Variants in BANK1 observed in about 807,000 individuals in gnomAD.
The protein encoded by BANK1 is B-cell scaffold protein with ankyrin repeats.
Under a neutral mutation model 94.5 loss-of-function variants are expected in BANK1, and 95 were observed. The ratio of observed to expected loss-of-function variants is 1.00; its 90% CI spans 0.85 to 1.19. The LOEUF is 1.19. Ranked by LOEUF, BANK1 falls within the 50% of genes most tolerant of loss-of-function variation. BANK1 has a pLI of 0.00. For missense variants in BANK1, 987 were observed against 932.2 expected (o/e 1.06, Z -0.77); for synonymous variants, 334 against 308.4 (o/e 1.08, Z -0.87).
intron 15 of BANK1, 66 bp downstream of exon 15, chr4:102,072,466 G>T: frequency 2.5e-6 from 3 of 1,222,148 alleles, no homozygotes; most frequent in Non-Finnish European, 3.6e-6. Context: ...AAGAACATGA[G>T]AGCCTTCTAT....
chr4:101,867,999 G>A (rs1466703052), intron 4 of BANK1, among the ~76,000 whole-genome samples: 2 of 151,420 alleles, frequency 1.3e-5, no homozygotes, highest in African/African-American at 2.4e-5. Flanking sequence ...GTCTAAGAAC[G>A]CCAATTAAAA....
intron 7 of BANK1, among the ~76,000 whole-genome samples, chr4:101,936,059 C>T (rs1339420459): frequency 6.6e-6 from 1 of 151,052 alleles, no homozygotes; most frequent in Non-Finnish European, 1.5e-5. Context: ...TGGACCACAC[C>T]AAGTTAAAAG....
intron 1 of BANK1, among the ~76,000 whole-genome samples, chr4:101,796,678 G>T (rs1422815525): frequency 6.6e-6 from 1 of 152,108 alleles, no homozygotes; most frequent in African/African-American, 2.4e-5. Flanking sequence ...ACTGTTAAAA[G>T]GTTTAGAGCT....
intron 12 of BANK1, among the ~76,000 whole-genome samples, chr4:102,060,841 A>C (rs946445129): frequency 6.6e-6 from 1 of 152,178 alleles, no homozygotes; most frequent in Non-Finnish European, 1.5e-5. Context: ...ATACGTACAC[A>C]TACACACATT....
chr4:102,050,568 T>A (rs1339804927), intron 11 of BANK1, among the ~76,000 whole-genome samples: 1 of 152,148 alleles, frequency 6.6e-6, no homozygotes, highest in African/African-American at 2.4e-5. Flanking sequence ...CCTAAGTAAA[T>A]TATATTTTAG....
intron 5 of BANK1, among the ~76,000 whole-genome samples, chr4:101,878,729 A>G (rs973775308): frequency 3.3e-5 from 5 of 152,196 alleles, no homozygotes; most frequent in Non-Finnish European, 7.4e-5. Context: ...AGAGCAGTCA[A>G]AAATTTGAGA....
intron 7 of BANK1, among the ~76,000 whole-genome samples, chr4:101,928,572 C>T (rs1335927716): frequency 2.0e-5 from 3 of 151,614 alleles, no homozygotes; most frequent in Non-Finnish European, 3.0e-5. Context: ...TCAGTACTGC[C>T]GAGTTCACTT....
intron 7 of BANK1, among the ~76,000 whole-genome samples, chr4:101,965,671 T>C (rs1223809321): frequency 6.6e-6 from 1 of 152,090 alleles, no homozygotes; most frequent in Non-Finnish European, 1.5e-5. Flanking sequence ...GTTCCTATTA[T>C]ACCATAGTAT....
intron 5 of BANK1, among the ~76,000 whole-genome samples, chr4:101,878,475 A>T (rs1328440483): frequency 6.6e-6 from 1 of 152,224 alleles, no homozygotes; most frequent in African/African-American, 2.4e-5. Flanking sequence ...TACTAGACCT[A>T]AGGAGAGAAA....
chr4:101,989,224 G>C (rs957317634), intron 7 of BANK1, among the ~76,000 whole-genome samples: 33 of 151,864 alleles, frequency 2.2e-4, no homozygotes, highest in Non-Finnish European at 4.1e-4. Context: ...GCGGGCGGAT[G>C]ACAAGGTCAG....
At chr4:102,058,696 T>C (rs1210620093) in intron 11 of BANK1, among the ~76,000 whole-genome samples, 3 of 148,026 alleles carry the variant, frequency 2.0e-5, no homozygotes, top group Non-Finnish European at 4.4e-5. Context: ...TTAATCTCTT[T>C]ACTCTTAAAA....
intron 11 of BANK1, among the ~76,000 whole-genome samples, chr4:102,058,484 G>A (rs1728309094): frequency 6.6e-6 from 1 of 151,968 alleles, no homozygotes; most frequent in African/African-American, 2.4e-5. Context: ...AAATTAGGAA[G>A]ACAGAAAACC....
chr4:102,068,689 G>A (rs566637258), intron 13 of BANK1, among the ~76,000 whole-genome samples: 4 of 151,976 alleles, frequency 2.6e-5, no homozygotes, highest in East Asian at 1.9e-4. Flanking sequence ...TTAGCGAGGC[G>A]TGGTGGCATG....
intron 7 of BANK1, among the ~76,000 whole-genome samples, chr4:101,988,681 CTT>C (rs1725595095): frequency 6.6e-6 from 1 of 152,104 alleles, no homozygotes; most frequent in Non-Finnish European, 1.5e-5. Context: ...CCTTAGGAAA[CTT>C]TTCCAAGGAC....
intron 6 of BANK1, among the ~76,000 whole-genome samples, chr4:101,913,783 C>T (rs1490586991): frequency 6.6e-6 from 1 of 152,130 alleles, no homozygotes; most frequent in Admixed American, 6.6e-5. Flanking sequence ...CCTTTTCCTC[C>T]TCCTCCTATC....
chr4:101,850,677 C>T (rs13121706), intron 2 of BANK1, among the ~76,000 whole-genome samples: 12,297 of 152,186 alleles, frequency 0.081, 793 homozygotes, highest in East Asian at 0.24. Flanking sequence ...TGGCACCATT[C>T]TTCCAACAGT....
At chr4:101,875,739 C>T (rs1728467393) in intron 5 of BANK1, among the ~76,000 whole-genome samples, 1 of 152,150 alleles carries the variant, frequency 6.6e-6, no homozygotes, top group Non-Finnish European at 1.5e-5. Flanking sequence ...TTATTGATTC[C>T]AGCACTCTGA....
At chr4:101,883,157 G>A (rs1195351710) in intron 5 of BANK1, among the ~76,000 whole-genome samples, 1 of 152,152 alleles carries the variant, frequency 6.6e-6, no homozygotes, top group Non-Finnish European at 1.5e-5. Context: ...TGTAATAATA[G>A]TCAAAGGAAA....
At chr4:101,960,412 G>A (rs749831895) in intron 7 of BANK1, among the ~76,000 whole-genome samples, 1 of 152,040 alleles carries the variant, frequency 6.6e-6, no homozygotes, top group Non-Finnish European at 1.5e-5. Context: ...TTTGTCACTT[G>A]GTTAAGAATG....
Sources: gnomAD v4.1 joint callset for allele counts (sites outside exome capture counted in the v4.1 genomes callset) on GRCh38, gnomAD v4.1.1 for gene constraint, MANE v1.5 for transcripts, NCBI Gene and HGNC (gene_info 2026-07-23, HGNC 2026-07-21) for gene names.